The following DEF8 variants were observed in gnomAD, a reference collection of about 807,000 sequenced individuals.
DEF8 encodes the protein differentially expressed in FDCP 8 homolog, also known as DEF-8.
DEF8 carries 38 observed loss-of-function variants against 59.1 expected under a neutral mutation model. The ratio of observed to expected loss-of-function variants is 0.64; its 90% CI spans 0.50 to 0.84. The LOEUF (loss-of-function observed/expected upper bound fraction) is 0.84, where lower values mean the gene tolerates loss of function less well. Ranked by LOEUF, DEF8 falls within the 40% of genes least tolerant of loss-of-function variation. DEF8 has a pLI of 0.00. For synonymous variants in DEF8, 265 were observed against 250.1 expected (o/e 1.06, Z -0.56); for missense variants, 557 against 615.2 (o/e 0.91, Z 1.00).
In DEF8 at chr16:89,948,815, G is replaced by C. The variant is rs1305788609; in HGVS notation, c.-108+1G>C. 7.1e-6 allele frequency: 7 copies of C among 979,430 alleles called. No homozygotes were observed. Among genetic ancestry groups the C allele is most frequent in the Non-Finnish European group, 8.4e-6 (7 of 828,576 alleles). The allele number at this position is 979,430 out of a possible 1,614,324, so 60.7% of individuals were successfully genotyped here. A position where few individuals can be genotyped will look rare whatever the true frequency, so the allele number is the denominator to read the frequency against. Reference sequence around the variant, plus strand: ...GAGACAGATGCGAGGCGGCGGTCAGGTGAGCGGCGCGGGGCCGGCGGGGTC... The same window carrying C: ...GAGACAGATGCGAGGCGGCGGTCAGCTGAGCGGCGCGGGGCCGGCGGGGTC... On this transcript the variant is annotated splice_donor_variant, in intron 1 of 12. Coordinates refer to ENST00000563594, the MANE Select transcript of DEF8 (RefSeq NM_001242818.2). LOFTEE classifies it low-confidence loss of function (5UTR_SPLICE).
intron 2 of DEF8, among the ~76,000 whole-genome samples, chr16:89,950,970 C>T (rs1447410711): frequency 6.6e-6 from 1 of 152,156 alleles, no homozygotes. Context: ...GACAGAGCAA[C>T]ACCCTGTCTC....
At chr16:89,949,926 G>C in intron 2 of DEF8, 2 of 787,338 alleles carry the variant, frequency 2.5e-6, no homozygotes, top group Non-Finnish European at 3.5e-6. Flanking sequence ...CACTGTGGCC[G>C]GCATCCCCAG....
Sources: allele counts gnomAD v4.1 joint callset (sites outside exome capture counted in the v4.1 genomes callset), GRCh38; gene constraint gnomAD v4.1.1; transcripts MANE v1.5; gene names NCBI Gene and HGNC (gene_info 2026-07-23, HGNC 2026-07-21).